The following CDH13 variants were observed in gnomAD, a reference collection of about 807,000 sequenced individuals.
CDH13 encodes cadherin 13.
In CDH13, 24 loss-of-function variants were observed where a neutral mutation model predicts 63.8. That is an observed-to-expected ratio of 0.38 (90% CI 0.27 to 0.53). The LOEUF is 0.53. CDH13 is among the 20% of genes least tolerant of loss of function. The pLI is 0.85. For synonymous variants in CDH13, 503 were observed against 355.3 expected, an observed-to-expected ratio of 1.42 and a Z score of -4.67; for missense variants, 1,049 against 903.1, an observed-to-expected ratio of 1.16 and a Z score of -2.07.
intron 6 of CDH13, among the ~76,000 whole-genome samples, chr16:83,356,098 A>T (rs1409399360): frequency 6.6e-6 from 1 of 152,062 alleles, no homozygotes; most frequent in African/African-American, 2.4e-5. Context: ...CATCCACAAC[A>T]CCCACTGTCC....
At chr16:83,134,979 G>A (rs2036219195) in intron 4 of CDH13, among the ~76,000 whole-genome samples, 1 of 152,070 alleles carries the variant, frequency 6.6e-6, no homozygotes, top group African/African-American at 2.4e-5. Flanking sequence ...ATGAACATCT[G>A]GCCTCAGACT....
intron 1 of CDH13, among the ~76,000 whole-genome samples, chr16:82,796,206 T>C (rs758045462): frequency 1.3e-5 from 2 of 152,134 alleles, no homozygotes; most frequent in Non-Finnish European, 2.9e-5. Context: ...TGAACTCAAT[T>C]GACAGGACTC....
At chr16:83,693,692 T>G (rs1035794661) in intron 10 of CDH13, among the ~76,000 whole-genome samples, 4 of 152,248 alleles carry the variant, frequency 2.6e-5, no homozygotes. Context: ...ACAACTGATT[T>G]ATGAACGTTT....
rs141484784 is a variant in CDH13, at chr16:82,841,475, C to G, written c.46-16887C>G. ...CAAAGCAGCAGCTCCCTAATTATGT[C>G]AGGAGGCAGGATTATCTCTGATCAT... is the stretch of plus-strand genomic sequence containing the variant. On this transcript the variant is annotated intron_variant, in intron 1 of 13. Coordinates refer to ENST00000567109, the MANE Select transcript of CDH13 (RefSeq NM_001257.5). Among the ~76,000 whole-genome samples the G allele has an allele frequency of 2.4e-4, 37 of 152,290 alleles. 2 individuals are homozygous for G. The highest frequency in any genetic ancestry group is 8.2e-4 in the African/African-American group (34 of 41,560).
At chr16:83,329,468 C>G (rs1291521491) in intron 5 of CDH13, among the ~76,000 whole-genome samples, 1 of 151,684 alleles carries the variant, frequency 6.6e-6, no homozygotes. Flanking sequence ...AACTCCTGAC[C>G]TCAGGTGATG....
chr16:83,699,637 G>T (rs569956428), intron 10 of CDH13, among the ~76,000 whole-genome samples: 1 of 151,930 alleles, frequency 6.6e-6, no homozygotes, highest in East Asian at 1.9e-4. Flanking sequence ...GCACACACAC[G>T]TGTATGTGCA....
intron 3 of CDH13, among the ~76,000 whole-genome samples, chr16:83,033,538 C>T (rs1217670699): frequency 6.6e-6 from 1 of 152,114 alleles, no homozygotes; most frequent in Non-Finnish European, 1.5e-5. Flanking sequence ...TGTGTATATA[C>T]ATACACATGG....
rs533671308 is a variant in CDH13, at chr16:82,643,266, G to C, written c.45+16129G>C. ...TAGGAAAACAAGCAAACCTTGGGCA[G>C]GTCAGCCTCAGGGCTCCTGTTTGTT... On this transcript the variant is annotated intron_variant, in intron 1 of 13. Coordinates refer to ENST00000567109, the MANE Select transcript of CDH13 (RefSeq NM_001257.5). 1.4e-4 allele frequency among the ~76,000 whole-genome samples: 22 copies of C among 152,308 alleles called. 1 individual carries two copies. Among genetic ancestry groups the C allele is most frequent in the Non-Finnish European group, 2.6e-4 (18 of 68,022 alleles).
chr16:83,419,131 C>T (rs991258178), intron 6 of CDH13, among the ~76,000 whole-genome samples: 1 of 152,110 alleles, frequency 6.6e-6, no homozygotes, highest in Admixed American at 6.5e-5. Context: ...TGACAGCTGT[C>T]GTTTTGTGAT....
intron 2 of CDH13, among the ~76,000 whole-genome samples, chr16:82,934,036 G>T (rs1003969631): frequency 1.3e-5 from 2 of 152,198 alleles, no homozygotes; most frequent in Admixed American, 6.5e-5. Context: ...GAGGACAGTG[G>T]CCCTTTTCTC....
intron 1 of CDH13, among the ~76,000 whole-genome samples, chr16:82,711,428 G>A (rs111762017): frequency 2.6e-5 from 4 of 152,272 alleles, no homozygotes; most frequent in African/African-American, 9.6e-5. Flanking sequence ...GGAACACAGT[G>A]AAGTAAACAG....
intron 3 of CDH13, among the ~76,000 whole-genome samples, chr16:83,106,317 A>G (rs549200765): frequency 1.7e-4 from 26 of 152,290 alleles, no homozygotes; most frequent in African/African-American, 6.0e-4. Flanking sequence ...AGGCAAGTGG[A>G]TCATGAGGTC....
intron 1 of CDH13, among the ~76,000 whole-genome samples, chr16:82,739,679 C>G (rs1276480151): frequency 6.6e-6 from 1 of 152,170 alleles, no homozygotes; most frequent in Non-Finnish European, 1.5e-5. Flanking sequence ...TCAAACAACA[C>G]CTTGTCTCTA....
chr16:83,557,479 C>T (rs1197040668), intron 7 of CDH13, among the ~76,000 whole-genome samples: 1 of 152,124 alleles, frequency 6.6e-6, no homozygotes. Flanking sequence ...TATGATAGAA[C>T]ATGTTACTGA....
rs75580055 is a variant in CDH13 at position 83,248,613 on chromosome 16, G to T, written c.636+31116G>T. Among the ~76,000 whole-genome samples, 1,030 of 152,240 alleles carry T rather than the reference G, an allele frequency of 6.8e-3. 7 individuals are homozygous for T. Among genetic ancestry groups the T allele is most frequent in the African/African-American group, 0.023 (976 of 41,544 alleles). On this transcript the variant is annotated intron_variant, in intron 5 of 13. Coordinates refer to ENST00000567109, the MANE Select transcript of CDH13 (RefSeq NM_001257.5). ...TACTAAGTTTCCTGGTTCCGTTTCTGTCTCTCAGAATACTTTTCCCCTAAA... is the reference window on the plus strand; with the variant it reads ...TACTAAGTTTCCTGGTTCCGTTTCTTTCTCTCAGAATACTTTTCCCCTAAA...
chr16:82,780,832 T>C (rs1247414512), intron 1 of CDH13, among the ~76,000 whole-genome samples: 2 of 152,260 alleles, frequency 1.3e-5, no homozygotes, highest in Admixed American at 6.5e-5. Flanking sequence ...ACAGAAGTTG[T>C]AATAAAAACT....
intron 11 of CDH13, among the ~76,000 whole-genome samples, chr16:83,752,745 A>C (rs535453733): frequency 6.6e-6 from 1 of 152,358 alleles, no homozygotes; most frequent in East Asian, 1.9e-4. Context: ...TACATATACA[A>C]AATGAAGAAG....
At chr16:83,692,019 AATTCACACTCAG>A (rs1276978501) in intron 10 of CDH13, among the ~76,000 whole-genome samples, 6 of 152,096 alleles carry the variant, frequency 3.9e-5, no homozygotes, top group Non-Finnish European at 7.4e-5. Flanking sequence ...TACCCAAAGA[AATTCACACTCAG>A]ATTCACACTC....
intron 4 of CDH13, among the ~76,000 whole-genome samples, chr16:83,147,344 G>A (rs981876469): frequency 2.0e-5 from 3 of 152,138 alleles, no homozygotes; most frequent in African/African-American, 4.8e-5. Flanking sequence ...TCTTCTAACT[G>A]TGCCCCTTTG....
Sources: allele counts gnomAD v4.1 joint callset (sites outside exome capture counted in the v4.1 genomes callset), GRCh38; gene constraint gnomAD v4.1.1; transcripts MANE v1.5; gene names NCBI Gene and HGNC (gene_info 2026-07-23, HGNC 2026-07-21).